Variants in GREB1L observed in about 807,000 individuals in gnomAD.
The protein encoded by GREB1L is GREB1-like protein.
In GREB1L, 17 loss-of-function variants were observed where a neutral mutation model predicts 200.8. The ratio of observed to expected loss-of-function variants is 0.08; its 90% CI spans 0.06 to 0.13. The LOEUF (loss-of-function observed/expected upper bound fraction) is 0.13. Ranked by LOEUF, GREB1L falls within the 10% of genes least tolerant of loss-of-function variation. The probability of loss-of-function intolerance (pLI) is 1.00; values close to 1 mark genes in which losing one functional copy is unlikely to be tolerated. For synonymous variants in GREB1L, 789 were observed against 893.0 expected (o/e 0.88, Z 2.08); for missense variants, 1,657 against 2,367.7 (o/e 0.70, Z 6.23).
chr18:21,471,260 CT>C (rs1340260421), intron 15 of GREB1L, among the ~76,000 whole-genome samples: 1 of 152,146 alleles, frequency 6.6e-6, no homozygotes, highest in Non-Finnish European at 1.5e-5. Flanking sequence ...TATTTATGAT[CT>C]TTTTAGGATG....
At chr18:21,502,927 T>C (rs894376032) in intron 23 of GREB1L, among the ~76,000 whole-genome samples, 3 of 152,246 alleles carry the variant, frequency 2.0e-5, no homozygotes, top group African/African-American at 7.2e-5. Context: ...GTTTGACCTT[T>C]GTAGTAAGAA....
intron 1 of GREB1L, among the ~76,000 whole-genome samples, chr18:21,335,437 T>C (rs1221527494): frequency 1.3e-5 from 2 of 152,130 alleles, no homozygotes; most frequent in Non-Finnish European, 2.9e-5. Context: ...CAAAAACAAA[T>C]GGTTTGTAAG....
chr18:21,404,327 C>A (rs886940825), intron 7 of GREB1L, among the ~76,000 whole-genome samples: 1 of 152,156 alleles, frequency 6.6e-6, no homozygotes, highest in Non-Finnish European at 1.5e-5. Context: ...GAGACACAGT[C>A]ATTAAGACTG....
intron 1 of GREB1L, among the ~76,000 whole-genome samples, chr18:21,264,242 T>A (rs2037932374): frequency 6.6e-6 from 1 of 152,046 alleles, no homozygotes. Flanking sequence ...TTGCTGTTAT[T>A]TAGTGTAATT....
chr18:21,245,732 G>A (rs78245111), intron 1 of GREB1L, among the ~76,000 whole-genome samples: 29 of 151,104 alleles, frequency 1.9e-4, no homozygotes, highest in African/African-American at 7.1e-4. Context: ...GTTTTGTTTT[G>A]TTTGAGACGA....
intron 1 of GREB1L, among the ~76,000 whole-genome samples, chr18:21,350,275 TTGCCCAGGCCGGAG>T (rs1221929276): frequency 1.3e-5 from 2 of 151,242 alleles, no homozygotes; most frequent in African/African-American, 4.9e-5. Context: ...TCTTACACTG[TTGCCCAGGCCGGAG>T]TGCAATGGCG....
chr18:21,383,773 C>T (rs1408189409), intron 3 of GREB1L, 98 bp downstream of exon 3: 26 of 1,213,708 alleles, frequency 2.1e-5, no homozygotes, highest in South Asian at 8.2e-5. Flanking sequence ...AGTGCAGTGG[C>T]GTGATCTCGG....
chr18:21,456,719 G>A (rs1007769632), intron 15 of GREB1L, among the ~76,000 whole-genome samples: 5 of 152,092 alleles, frequency 3.3e-5, no homozygotes, highest in African/African-American at 1.2e-4. Context: ...TGTAGGTGAT[G>A]AGCTGGAAAA....
chr18:21,452,079 A>G lies in GREB1L; in HGVS notation c.1850-4A>G, dbSNP rs2034554034. 6.4e-7 allele frequency: 1 copy of G among 1,551,706 alleles called. No individual in the cohort carries two copies. ...GTAACCTTCTTATCTCTATTTTGTA[A>G]TAGGCGATGACCTAGACAAGCTGCT... On this transcript the variant is annotated splice_region_variant and splice_polypyrimidine_tract_variant and intron_variant, in intron 13 of 32. Coordinates refer to ENST00000424526, the MANE Select transcript of GREB1L (RefSeq NM_001142966.3).
chr18:21,523,587 G>C lies in GREB1L; in HGVS notation c.*766G>C, dbSNP rs1012732226. On this transcript the variant is annotated 3_prime_UTR_variant, in exon 33 of 33. Transcript: ENST00000424526. ...AGAATATCTTATCTATGAGACTATG[G>C]AACAGTGATTAATCTTTTGCAAGAA... The C allele has an allele frequency of 6.6e-6, 1 of 152,154 alleles. No individual in the cohort carries two copies. Among genetic ancestry groups the C allele is most frequent in the Admixed American group, 6.5e-5 (1 of 15,276 alleles). The allele number at this position is 152,154 out of a possible 1,614,324, so 9.4% of individuals were successfully genotyped here. A position where few individuals can be genotyped will look rare whatever the true frequency, so the allele number is the denominator to read the frequency against.
chr18:21,260,818 T>C (rs1467073680), intron 1 of GREB1L, among the ~76,000 whole-genome samples: 6 of 152,036 alleles, frequency 3.9e-5, no homozygotes, highest in Admixed American at 3.3e-4. Context: ...GTGTTTCATT[T>C]AAATGTAAAT....
chr18:21,275,338 GA>G (rs2038144814), intron 1 of GREB1L, among the ~76,000 whole-genome samples: 1 of 152,204 alleles, frequency 6.6e-6, no homozygotes. Context: ...ATAAGTGGGG[GA>G]AAATATTTTT....
intron 18 of GREB1L, among the ~76,000 whole-genome samples, chr18:21,489,281 C>T (rs897825207): frequency 2.0e-5 from 3 of 152,124 alleles, no homozygotes; most frequent in Non-Finnish European, 2.9e-5. Context: ...GCTCCCTTGA[C>T]GGAGCCAGGT....
intron 1 of GREB1L, among the ~76,000 whole-genome samples, chr18:21,253,374 C>CTGGGATTAGA (rs1301891355): frequency 3.3e-5 from 5 of 151,640 alleles, no homozygotes; most frequent in Non-Finnish European, 5.9e-5. Context: ...TCCCAGCCTC[C>CTGGGATTAGA]TTAGTAGCTG....
chr18:21,464,319 A>G (rs140975762), intron 15 of GREB1L, among the ~76,000 whole-genome samples: 3,869 of 152,012 alleles, frequency 0.025, 175 homozygotes, highest in African/African-American at 0.086. Context: ...CATGAGGTCA[A>G]GAGATCGAGA....
At chr18:21,246,935 G>A (rs117338976) in intron 1 of GREB1L, among the ~76,000 whole-genome samples, 2,490 of 152,296 alleles carry the variant, frequency 0.016, 30 homozygotes, top group Admixed American at 0.024. Context: ...GCTACAAATG[G>A]ATAATGAAGT....
chr18:21,459,368 C>T (rs1409880620), intron 15 of GREB1L, among the ~76,000 whole-genome samples: 2 of 148,186 alleles, frequency 1.3e-5, no homozygotes, highest in Non-Finnish European at 1.5e-5. Flanking sequence ...TCACTGCAAC[C>T]TCCGCCCTTC....
At chr18:21,277,911 G>A (rs1221309868) in intron 1 of GREB1L, among the ~76,000 whole-genome samples, 2 of 152,166 alleles carry the variant, frequency 1.3e-5, no homozygotes, top group Non-Finnish European at 2.9e-5. Context: ...GTGAGAGAAT[G>A]GAAGTAAGGA....
intron 1 of GREB1L, among the ~76,000 whole-genome samples, chr18:21,333,214 A>G (rs1034244129): frequency 1.3e-5 from 2 of 152,208 alleles, no homozygotes; most frequent in Admixed American, 6.5e-5. Flanking sequence ...ATACATGCAC[A>G]TATACACACT....
Sources: gnomAD v4.1 joint callset for allele counts (sites outside exome capture counted in the v4.1 genomes callset) on GRCh38, gnomAD v4.1.1 for gene constraint, MANE v1.5 for transcripts, NCBI Gene and HGNC (gene_info 2026-07-23, HGNC 2026-07-21) for gene names.